FAF2: variants seen among roughly 807,000 people sequenced by gnomAD.
FAF2 encodes the protein Fas associated factor family member 2, also known as FAS-associated factor 2.
In FAF2, 9 loss-of-function variants were observed where a neutral mutation model predicts 62.3. The ratio of observed to expected loss-of-function variants is 0.14; its 90% CI spans 0.09 to 0.25. The LOEUF (loss-of-function observed/expected upper bound fraction) is 0.25. Ranked by LOEUF, FAF2 falls within the 10% of genes least tolerant of loss-of-function variation. FAF2 has a pLI of 1.00. For synonymous variants in FAF2, 202 were observed against 198.0 expected (o/e 1.02, Z -0.17); for missense variants, 368 against 556.2 (o/e 0.66, Z 3.40).
intron 10 of FAF2, among the ~76,000 whole-genome samples, chr5:176,505,896 C>T (rs1225678315): frequency 2.6e-5 from 4 of 151,986 alleles, no homozygotes; most frequent in Non-Finnish European, 5.9e-5. Flanking sequence ...TGGCTGGGCA[C>T]GGTGGCTCAC....
chr5:176,457,352 C>T (rs1278988680), intron 1 of FAF2, among the ~76,000 whole-genome samples: 1 of 151,946 alleles, frequency 6.6e-6, no homozygotes. Flanking sequence ...CCACTTCTGG[C>T]TTATTTTTTT....
In FAF2 at chr5:176,500,166, T is replaced by G. The variant is rs778235421; in HGVS notation, c.1155+20T>G. ...CTAACAGTAAGGACCACCTAAGTTC[T>G]GTGAAGTGTATGTAGCATCTGGGCT... is the stretch of plus-strand genomic sequence containing the variant. On this transcript the variant is annotated intron_variant, in intron 10 of 10. Transcript: ENST00000261942. 27 of 1,612,864 alleles carry G rather than the reference T, an allele frequency of 1.7e-5. No homozygotes were observed. The African/African-American group carries it at 3.5e-4, about 21-fold the overall frequency.
intron 5 of FAF2, among the ~76,000 whole-genome samples, chr5:176,493,398 T>C (rs1283633362): frequency 4.6e-5 from 7 of 152,214 alleles, no homozygotes; most frequent in Non-Finnish European, 7.3e-5. Context: ...CCCTTGACCA[T>C]GTCAGCAGTC....
At chr5:176,481,586 G>A (rs1168580969) in intron 2 of FAF2, among the ~76,000 whole-genome samples, 1 of 152,016 alleles carries the variant, frequency 6.6e-6, no homozygotes, top group Non-Finnish European at 1.5e-5. Flanking sequence ...GAACTCGGGA[G>A]GCAGAGCTTG....
intron 1 of FAF2, among the ~76,000 whole-genome samples, chr5:176,475,524 C>G (rs1213662342): frequency 6.6e-6 from 1 of 152,188 alleles, no homozygotes; most frequent in Non-Finnish European, 1.5e-5. Context: ...CGCCTGTAAT[C>G]CCAACACTTT....
chr5:176,462,034 T>G (rs1008753527), intron 1 of FAF2, among the ~76,000 whole-genome samples: 4 of 152,154 alleles, frequency 2.6e-5, no homozygotes, highest in African/African-American at 9.7e-5. Flanking sequence ...CCCAACACTT[T>G]ATGAGACTGA....
chr5:176,472,024 A>T (rs1044381519), intron 1 of FAF2, among the ~76,000 whole-genome samples: 24 of 151,974 alleles, frequency 1.6e-4, no homozygotes, highest in Non-Finnish European at 1.2e-4. Flanking sequence ...CCCTTTCCCT[A>T]TAGGAAATAA....
At chr5:176,495,240 T>G (rs1395391634) in intron 7 of FAF2, among the ~76,000 whole-genome samples, 3 of 152,236 alleles carry the variant, frequency 2.0e-5, no homozygotes, top group African/African-American at 7.2e-5. Flanking sequence ...TGCCACATAC[T>G]GTGCCATGTC....
chr5:176,458,112 G>A (rs1237342398), intron 1 of FAF2, among the ~76,000 whole-genome samples: 2 of 151,838 alleles, frequency 1.3e-5, no homozygotes, highest in Non-Finnish European at 2.9e-5. Context: ...CCTTGACAGA[G>A]TATCTGTCGC....
chr5:176,486,616 C>G, intron 3 of FAF2, 127 bp downstream of exon 3: 1 of 910,500 alleles, frequency 1.1e-6, no homozygotes, highest in South Asian at 1.9e-5. Flanking sequence ...TTAGACTTGG[C>G]CCGTTGGGTG....
At chr5:176,459,724 TTTTC>T (rs1161642227) in intron 1 of FAF2, among the ~76,000 whole-genome samples, 1 of 152,138 alleles carries the variant, frequency 6.6e-6, no homozygotes, top group Non-Finnish European at 1.5e-5. Flanking sequence ...TTGTTTTGTT[TTTTC>T]TTTCAACTTT....
rs79930389 is a variant in FAF2 at position 176,455,255 on chromosome 5, G to A, written c.63+6785G>A. Among the ~76,000 whole-genome samples, 2,111 of 152,262 alleles carry A rather than the reference G, an allele frequency of 0.014. 144 individuals are homozygous for A. In the East Asian group the frequency reaches 0.21, roughly 15 times the overall value. On this transcript the variant is annotated intron_variant, in intron 1 of 10. Coordinates refer to ENST00000261942, the MANE Select transcript of FAF2 (RefSeq NM_014613.3). ...AAAAGATCCCAGCCTGGGCAACATG[G>A]TGAAACCTCATCTCTACTAAAACTA...
intron 7 of FAF2, among the ~76,000 whole-genome samples, chr5:176,495,476 T>C (rs1759043460): frequency 6.6e-6 from 1 of 151,742 alleles, no homozygotes; most frequent in African/African-American, 2.4e-5. Flanking sequence ...GGTAAAACTC[T>C]GTTATGGTAA....
chr5:176,501,928 A>AT (rs1041114963), intron 10 of FAF2, among the ~76,000 whole-genome samples: 9 of 151,698 alleles, frequency 5.9e-5, no homozygotes, highest in South Asian at 2.1e-4. Context: ...TAATTTTTGT[A>AT]TTTTTTTTAG....
intron 10 of FAF2, among the ~76,000 whole-genome samples, chr5:176,506,022 C>G (rs1380616269): frequency 6.6e-6 from 1 of 151,866 alleles, no homozygotes; most frequent in Non-Finnish European, 1.5e-5. Context: ...AACCCCATCT[C>G]TGCTAAAAAT....
chr5:176,477,676 T>TA (rs1758727869), intron 1 of FAF2, among the ~76,000 whole-genome samples: 1 of 152,248 alleles, frequency 6.6e-6, no homozygotes, highest in Admixed American at 6.5e-5. Context: ...AATGAAAACT[T>TA]GTATACCTAA....
At chr5:176,482,670 A>G (rs1349042484) in intron 2 of FAF2, among the ~76,000 whole-genome samples, 1 of 152,074 alleles carries the variant, frequency 6.6e-6, no homozygotes, top group Non-Finnish European at 1.5e-5. Flanking sequence ...CACCACATCC[A>G]GCTAATATTT....
At position 176,494,454 on chromosome 5, in the gene FAF2, T is replaced by C. The variant is rs1159096874; in HGVS notation, c.661+179T>C. Reference sequence around the variant, plus strand: ...AGTCCTGAGAGATGGGGGGTCATATTACCTTTGCTTTATGGTTTAGGAAAT... The same window carrying C: ...AGTCCTGAGAGATGGGGGGTCATATCACCTTTGCTTTATGGTTTAGGAAAT... On this transcript the variant is annotated intron_variant, in intron 7 of 10. Coordinates refer to ENST00000261942, the MANE Select transcript of FAF2 (RefSeq NM_014613.3). The surrounding 1 kb of genome is among the most constrained non-coding windows in gnomAD (Gnocchi z 4.0). Among the ~76,000 whole-genome samples the C allele has an allele frequency of 2.0e-5, 3 of 152,220 alleles. No individual in the cohort carries two copies. Among genetic ancestry groups the C allele is most frequent in the Non-Finnish European group, 4.4e-5 (3 of 68,032 alleles).
At chr5:176,484,162 C>T (rs1041757975) in intron 2 of FAF2, among the ~76,000 whole-genome samples, 1 of 152,128 alleles carries the variant, frequency 6.6e-6, no homozygotes, top group African/African-American at 2.4e-5. Flanking sequence ...AGAGTCGGGA[C>T]ACATTACCTT....
Sources: gnomAD v4.1 joint callset for allele counts (sites outside exome capture counted in the v4.1 genomes callset) on GRCh38, gnomAD v4.1.1 for gene constraint, Gnocchi (gnomAD v3.1) non-coding constraint, MANE v1.5 for transcripts, NCBI Gene and HGNC (gene_info 2026-07-23, HGNC 2026-07-21) for gene names.